DISP3: variants seen among roughly 807,000 people sequenced by gnomAD.
DISP3 encodes the protein dispatched RND transporter family member 3.
Under a neutral mutation model 135.3 loss-of-function variants are expected in DISP3, and 101 were observed. That is an observed-to-expected ratio of 0.75 (90% CI 0.64 to 0.88). The LOEUF (loss-of-function observed/expected upper bound fraction) is 0.88, where lower values mean the gene tolerates loss of function less well. DISP3 is among the 40% of genes least tolerant of loss of function. The pLI, the probability that DISP3 is intolerant of heterozygous loss-of-function variation, is 0.00. For synonymous variants in DISP3, 856 were observed against 817.0 expected, an observed-to-expected ratio of 1.05 and a Z score of -0.81; for missense variants, 1,713 against 1,878.6, an observed-to-expected ratio of 0.91 and a Z score of 1.63.
chr1:11,530,879 C>G (rs749187578), intron 15 of DISP3, 28 bp from the exon 16 acceptor site: 1 of 1,612,504 alleles, frequency 6.2e-7, no homozygotes. Context: ...CTGAGCGGCC[C>G]GGGCCGGCTT....
Position 11,520,969 on chromosome 1 carries a change from C to T in DISP3, c.2362+121C>T. 8.6e-7 allele frequency: 1 copy of T among 1,168,314 alleles called. No individual in the cohort carries two copies. The highest frequency in any genetic ancestry group is 1.2e-6 in the Non-Finnish European group (1 of 851,430). 72.4% of individuals were successfully genotyped at this position (1,168,314 alleles called of 1,614,324 possible). ...TGCCAGACCTCAGGCAAATCCCACTCCCCTCTGAGCCCCCATGTTCCCACA... is the reference window on the plus strand; with the variant it reads ...TGCCAGACCTCAGGCAAATCCCACTTCCCTCTGAGCCCCCATGTTCCCACA... On this transcript the variant is annotated intron_variant, in intron 10 of 20. Transcript: ENST00000294484. This position sits in a 1 kb window ranked among gnomAD's most constrained non-coding sequence, Gnocchi z 4.8.
intron 3 of DISP3, among the ~76,000 whole-genome samples, chr1:11,512,481 A>G (rs189631246): frequency 1.3e-5 from 2 of 152,300 alleles, no homozygotes; most frequent in African/African-American, 4.8e-5. Context: ...GCTAAAACAT[A>G]ACAAGAGTCA....
At chr1:11,525,858 G>A (rs936442654) in intron 12 of DISP3, among the ~76,000 whole-genome samples, 7 of 152,304 alleles carry the variant, frequency 4.6e-5, no homozygotes, top group African/African-American at 1.7e-4. Flanking sequence ...CACCCAGGCT[G>A]GAGTGCAGTG....
chr1:11,500,393 C>G (rs1187295767), intron 1 of DISP3, among the ~76,000 whole-genome samples: 1 of 152,186 alleles, frequency 6.6e-6, no homozygotes, highest in Non-Finnish European at 1.5e-5. Flanking sequence ...ACCTTTGACT[C>G]CACAGTCGTA....
intron 11 of DISP3, 28 bp from the exon 12 acceptor site, chr1:11,525,148 C>A: frequency 6.2e-7 from 1 of 1,610,734 alleles, no homozygotes; most frequent in Non-Finnish European, 8.5e-7. Context: ...TCAAGTCCAC[C>A]CCTCTTTCAT....
chr1:11,486,438 G>T (rs866076479), intron 1 of DISP3, among the ~76,000 whole-genome samples: 11 of 152,178 alleles, frequency 7.2e-5, no homozygotes, highest in African/African-American at 2.7e-4. Context: ...CTGGCTGAGA[G>T]TGTGCATTAC....
At chr1:11,530,757 C>T (rs539201383) in intron 15 of DISP3, 150 bp from the exon 16 acceptor site, 7 of 1,022,740 alleles carry the variant, frequency 6.8e-6, no homozygotes, top group African/African-American at 4.7e-5. Flanking sequence ...TAGGGTGGAG[C>T]AGTGGGTGAG....
At chr1:11,512,023 A>G (rs1332819047) in intron 3 of DISP3, among the ~76,000 whole-genome samples, 1 of 152,178 alleles carries the variant, frequency 6.6e-6, no homozygotes, top group Non-Finnish European at 1.5e-5. Context: ...AGCGGCTGGG[A>G]CACAGGGCAC....
rs1477721574 is a variant in DISP3 at position 11,529,478 on chromosome 1, A to C, written c.2799-78A>C. ...CCATGACACCCCAGCCCCAGTCCCA[A>C]CCCTGGCCTGCTGGCCTCACCTCCC... is the stretch of plus-strand genomic sequence containing the variant. On this transcript the variant is annotated intron_variant, in intron 13 of 20. Transcript: ENST00000294484. The surrounding 1 kb of genome is among the most constrained non-coding windows in gnomAD (Gnocchi z 4.7). The C allele has an allele frequency of 6.7e-6, 10 of 1,482,670 alleles. No homozygotes were observed. The highest frequency in any genetic ancestry group is 9.1e-6 in the Non-Finnish European group (10 of 1,102,672). The allele number at this position is 1,482,670 out of a possible 1,614,324, so 91.8% of individuals were successfully genotyped here.
rs2100514446 is a variant in DISP3, at chr1:11,531,806, G to A, written c.3375+96G>A. The stretch of plus-strand genomic sequence containing the variant: ...CCTCTTCCCAGATCGGGGGGGAGAT[G>A]CTGAGGCCCAGAGAGGTGGAGTGAC... On this transcript the variant is annotated intron_variant, in intron 17 of 20. Transcript: ENST00000294484. The surrounding 1 kb of genome is among the most constrained non-coding windows in gnomAD (Gnocchi z 5.2). The A allele has an allele frequency of 6.8e-7, 1 of 1,478,296 alleles. No individual in the cohort carries two copies. The highest frequency in any genetic ancestry group is 9.0e-7 in the Non-Finnish European group (1 of 1,115,918). The allele number at this position is 1,478,296 out of a possible 1,614,324, so 91.6% of individuals were successfully genotyped here. A position where few individuals can be genotyped will look rare whatever the true frequency, so the allele number is the denominator to read the frequency against.
intron 17 of DISP3, among the ~76,000 whole-genome samples, chr1:11,533,320 A>G (rs1642621609): frequency 6.9e-6 from 1 of 144,422 alleles, no homozygotes. Flanking sequence ...CAGTTGCGCA[A>G]TCTTGGCTCC....
Position 11,531,020 on chromosome 1 carries a change from G to C in DISP3, c.3216G>C (p.Gln1072His). The change falls in exon 16 of 21, where the codon CAG becomes CAC. Residue 1072 changes from glutamine to histidine, a missense_variant. Physicochemically the swap from Gln to His is conservative, Grantham distance 24. This residue lies in a region of DISP3 where 1,142 missense variants were observed against 1,384.6 expected (regional missense o/e 0.82). Coordinates refer to ENST00000294484, the MANE Select transcript of DISP3 (RefSeq NM_020780.2). The surrounding 1 kb of genome is among the most constrained non-coding windows in gnomAD (Gnocchi z 5.2). ...NSELVKPGGAQCLPSGYSISS... is the reference protein window; with the variant it reads ...NSELVKPGGAHCLPSGYSISS... ...AGCTGGTGAAGCCGGGTGGGGCCCA[G>C]TGCCTGCCTTCAGGTGCGTGGGGTG... is the stretch of plus-strand genomic sequence containing the variant. 6.2e-7 allele frequency: 1 copy of C among 1,613,774 alleles called. No homozygotes were observed.
intron 12 of DISP3, 85 bp from the exon 13 acceptor site, chr1:11,526,566 A>T: frequency 7.0e-7 from 1 of 1,425,526 alleles, no homozygotes; most frequent in Non-Finnish European, 9.8e-7. Flanking sequence ...TATGCCGAGG[A>T]GGGAGGGGAC....
In DISP3 at chr1:11,514,487, T is replaced by C; in HGVS notation, c.1414T>C (p.Cys472Arg). 6.2e-7 allele frequency: 1 copy of C among 1,614,174 alleles called. No individual in the cohort carries two copies. The highest frequency in any genetic ancestry group is 8.5e-7 in the Non-Finnish European group (1 of 1,179,994). The change falls in exon 4 of 21, where the codon TGC (cysteine) becomes CGC (arginine). Residue 472 changes from cysteine (C) to arginine (R), a missense_variant. Transcript: ENST00000294484. ...GCTCCTGGCCTTCATCAGCAGCAGC[T>C]GCATTGCTGCCCTGGTCTACATCCT... ...DMLLAFISSSCIAALVYILTS... is the reference protein window; with the variant it reads ...DMLLAFISSSRIAALVYILTS...
chr1:11,531,086 G>A lies in DISP3; in HGVS notation c.3229+53G>A. 6.2e-7 allele frequency: 1 copy of A among 1,604,022 alleles called. No individual in the cohort carries two copies. Among genetic ancestry groups the A allele is most frequent in the Non-Finnish European group, 8.5e-7 (1 of 1,177,828 alleles). Reference sequence around the variant, plus strand: ...TCCGAGGGAGGATGGACTGACTGGGGAGGCACAGAGGCCGTGGTCCAAGGT... The same window carrying A: ...TCCGAGGGAGGATGGACTGACTGGGAAGGCACAGAGGCCGTGGTCCAAGGT... On this transcript the variant is annotated intron_variant, in intron 16 of 20. Coordinates refer to ENST00000294484, the MANE Select transcript of DISP3 (RefSeq NM_020780.2). This position sits in a 1 kb window ranked among gnomAD's most constrained non-coding sequence, Gnocchi z 5.2.
chr1:11,529,819 T>C lies in DISP3; in HGVS notation c.2962T>C (p.Phe988Leu). The C allele has an allele frequency of 1.9e-6, 3 of 1,613,934 alleles. No individual in the cohort carries two copies. The highest frequency in any genetic ancestry group is 2.5e-6 in the Non-Finnish European group (3 of 1,180,008). ...GGCCCGTCTCTCAGCCACCTTCGGC[T>C]TCAACCCCTGCGTGAACACGGGCTG... ...PKARLSATFG[F>L]NPCVNTGCGK... Residue 988 changes from phenylalanine to leucine, a missense_variant, in exon 15 of 21, where the codon TTC (phenylalanine) becomes CTC (leucine). This residue lies in a region of DISP3 where 1,142 missense variants were observed against 1,384.6 expected (regional missense o/e 0.82). Transcript: ENST00000294484. This position sits in a 1 kb window ranked among gnomAD's most constrained non-coding sequence, Gnocchi z 4.7.
At chr1:11,523,315 A>G (rs1642301024) in intron 10 of DISP3, among the ~76,000 whole-genome samples, 1 of 152,234 alleles carries the variant, frequency 6.6e-6, no homozygotes, top group African/African-American at 2.4e-5. Flanking sequence ...CATGTCTGCC[A>G]GCTGATGACC....
rs1186483543 is a variant in DISP3 at position 11,491,641 on chromosome 1, G to A, written c.-3-9349G>A. ...AAACAAACAAAACAAAACAAAACCC[G>A]GATTCCTGGGCCCCACCTCCTCTGA... is the stretch of plus-strand genomic sequence containing the variant. On this transcript the variant is annotated intron_variant, in intron 1 of 20. Transcript: ENST00000294484. The surrounding 1 kb of genome is among the most constrained non-coding windows in gnomAD (Gnocchi z 4.3). Among the ~76,000 whole-genome samples, 5 of 151,720 alleles carry A rather than the reference G, an allele frequency of 3.3e-5. No homozygotes were observed. The highest frequency in any genetic ancestry group is 5.9e-5 in the Non-Finnish European group (4 of 67,928).
intron 12 of DISP3, 50 bp downstream of exon 12, chr1:11,525,362 G>A: frequency 6.3e-7 from 1 of 1,581,304 alleles, no homozygotes; most frequent in Non-Finnish European, 8.6e-7. Context: ...GGGTGGTGGG[G>A]GGCTCTCAGG....
Sources: gnomAD v4.1 joint callset for allele counts (sites outside exome capture counted in the v4.1 genomes callset) on GRCh38, gnomAD v4.1.1 for gene constraint, gnomAD v4.1.1 regional missense constraint, Gnocchi (gnomAD v3.1) non-coding constraint, MANE v1.5 for transcripts, NCBI Gene and HGNC (gene_info 2026-07-23, HGNC 2026-07-21) for gene names.